CLSTN3: variants seen among roughly 807,000 people sequenced by gnomAD.
CLSTN3 encodes the protein calsyntenin 3.
In CLSTN3, 36 loss-of-function variants were observed where a neutral mutation model predicts 95.9. The ratio of observed to expected loss-of-function variants is 0.38; its 90% CI spans 0.29 to 0.50. The LOEUF (loss-of-function observed/expected upper bound fraction) is 0.50, where lower values mean the gene tolerates loss of function less well. CLSTN3 is among the 20% of genes least tolerant of loss of function. CLSTN3 has a pLI of 0.95. For synonymous variants in CLSTN3, 481 were observed against 504.0 expected (o/e 0.95, Z 0.61); for missense variants, 1,084 against 1,268.8 (o/e 0.85, Z 2.21).
intron 1 of CLSTN3, among the ~76,000 whole-genome samples, chr12:7,132,016 G>A (rs1332065650): frequency 6.6e-6 from 1 of 151,994 alleles, no homozygotes; most frequent in East Asian, 1.9e-4. Flanking sequence ...GATGGGATTA[G>A]AGCAAGCGTG....
intron 1 of CLSTN3, 32 bp from the exon 2 acceptor site, chr12:7,132,992 T>C (rs769142089): frequency 5.6e-6 from 9 of 1,611,966 alleles, no homozygotes; most frequent in African/African-American, 2.7e-5. Flanking sequence ...TGCTCACAGG[T>C]GCTTCCTCTC....
chr12:7,130,354 C>T (rs1402575424), upstream of CLSTN3: 3 of 1,354,740 alleles, frequency 2.2e-6, no homozygotes, highest in Non-Finnish European at 2.9e-6. Context: ...CAATCGTTGC[C>T]CGGCTGTGCT....
At position 7,157,620 on chromosome 12, in the gene CLSTN3, T is replaced by C. The variant is rs773747533; in HGVS notation, c.2659T>C (p.Ser887Pro). The C allele has an allele frequency of 6.2e-7, 1 of 1,611,092 alleles. No homozygotes were observed. Among genetic ancestry groups the C allele is most frequent in the Non-Finnish European group, 8.5e-7 (1 of 1,178,798 alleles). The change falls in exon 17 of 18, where the codon TCC (serine) becomes CCC (proline). Residue 887 changes from serine (S) to proline (P), a missense_variant. By Grantham distance (74) the Ser-to-Pro change is moderately conservative. Transcript: ENST00000266546. This position sits in a 1 kb window ranked among gnomAD's most constrained non-coding sequence, Gnocchi z 5.9. Reference sequence around the variant, plus strand: ...AGGGGCCGGCGGGCCTCCAGGGGCCTCCAGTGACCCCAAGGACCCAGACCT... The same window carrying C: ...AGGGGCCGGCGGGCCTCCAGGGGCCCCCAGTGACCCCAAGGACCCAGACCT... ...VSGAGGPPGA[S>P]SDPKDPDLFW...
chr12:7,133,214 A>G lies in CLSTN3; in HGVS notation c.187+68A>G. On this transcript the variant is annotated intron_variant, in intron 2 of 17. Transcript: ENST00000266546. The surrounding 1 kb of genome is among the most constrained non-coding windows in gnomAD (Gnocchi z 4.7). Reference sequence around the variant, plus strand: ...AAAGTGGGTGGGAGGGCCAAGAGCAAGGGAGGGAGGGAAGGTCCTGGGAGT... The same window carrying G: ...AAAGTGGGTGGGAGGGCCAAGAGCAGGGGAGGGAGGGAAGGTCCTGGGAGT... The G allele has an allele frequency of 2.8e-6, 2 of 715,846 alleles. No homozygotes were observed. The highest frequency in any genetic ancestry group is 4.8e-6 in the Non-Finnish European group (2 of 413,730). The allele number at this position is 715,846 out of a possible 1,614,324, so 44.3% of individuals were successfully genotyped here.
At chr12:7,134,653 T>A (rs1939369503) in intron 3 of CLSTN3, among the ~76,000 whole-genome samples, 1 of 152,234 alleles carries the variant, frequency 6.6e-6, no homozygotes, top group Admixed American at 6.5e-5. Context: ...ACTTGTGACC[T>A]TTGTACACAT....
intron 1 of CLSTN3, chr12:7,131,707 G>T (rs1301679978): frequency 8.9e-6 from 4 of 451,054 alleles, no homozygotes; most frequent in East Asian, 1.4e-4. Context: ...CCCTTCCACC[G>T]CTCTCTCTTC....
rs777174345 is a variant in CLSTN3, at chr12:7,137,915, A to T, written c.1211-40A>T. ...GCTGCTTTGAACTTGTTCTGGCCTC[A>T]GCCTCTGCACTTGACCCCATCCCCT... On this transcript the variant is annotated intron_variant, in intron 7 of 17. Coordinates refer to ENST00000266546, the MANE Select transcript of CLSTN3 (RefSeq NM_014718.4). This position sits in a 1 kb window ranked among gnomAD's most constrained non-coding sequence, Gnocchi z 4.4. The T allele has an allele frequency of 1.3e-6, 2 of 1,492,120 alleles. No individual in the cohort carries two copies. Among genetic ancestry groups the T allele is most frequent in the African/African-American group, 1.4e-5 (1 of 72,508 alleles). The allele number at this position is 1,492,120 out of a possible 1,614,324, so 92.4% of individuals were successfully genotyped here.
At chr12:7,140,513 T>C (rs1939507280) in intron 8 of CLSTN3, among the ~76,000 whole-genome samples, 1 of 152,140 alleles carries the variant, frequency 6.6e-6, no homozygotes, top group African/African-American at 2.4e-5. Flanking sequence ...CATTTGGAAC[T>C]GGATGAGGCA....
rs1461823646 is a variant in CLSTN3, at chr12:7,149,221, A to C, written c.2074+23A>C. 2 of 1,596,770 alleles carry C rather than the reference A, an allele frequency of 1.3e-6. No homozygotes were observed. The highest frequency in any genetic ancestry group is 3.4e-5 in the Admixed American group (2 of 59,324). On this transcript the variant is annotated intron_variant, in intron 13 of 17. Coordinates refer to ENST00000266546, the MANE Select transcript of CLSTN3 (RefSeq NM_014718.4). The surrounding 1 kb of genome is among the most constrained non-coding windows in gnomAD (Gnocchi z 4.5). ...CAGGTAAGGACGACTTCGGGGAGTA[A>C]CACCATCCAGAGAACCAGCCAGTGT...
intron 1 of CLSTN3, among the ~76,000 whole-genome samples, chr12:7,132,008 TG>T (rs1939313627): frequency 6.6e-6 from 1 of 151,348 alleles, no homozygotes; most frequent in Non-Finnish European, 1.5e-5. Context: ...GGCATGATGA[TG>T]GGATTAGAGC....
At position 7,133,395 on chromosome 12, in the gene CLSTN3, A is replaced by T. The variant is rs1272099764; in HGVS notation, c.188-178A>T. Among the ~76,000 whole-genome samples, 1 of 152,096 alleles carries T rather than the reference A, an allele frequency of 6.6e-6. No individual in the cohort carries two copies. The highest frequency in any genetic ancestry group is 1.5e-5 in the Non-Finnish European group (1 of 68,020). On this transcript the variant is annotated intron_variant, in intron 2 of 17. Transcript: ENST00000266546. This position sits in a 1 kb window ranked among gnomAD's most constrained non-coding sequence, Gnocchi z 4.7. ...AGATCTCAGGTCTGGAGGCTCTGGG[A>T]GGTTGCTGCTCAGGGAAGCTGGGCT...
chr12:7,133,000 C>G (rs1214964060), intron 1 of CLSTN3, 24 bp from the exon 2 acceptor site: 5 of 1,612,464 alleles, frequency 3.1e-6, no homozygotes, highest in Non-Finnish European at 3.4e-6. Context: ...GGTGCTTCCT[C>G]TCCTCTCCCT....
chr12:7,152,706 A>G (rs76803705), intron 16 of CLSTN3, among the ~76,000 whole-genome samples: 3,279 of 152,256 alleles, frequency 0.022, 114 homozygotes, highest in African/African-American at 0.075. Context: ...TGCTCGGGGG[A>G]TTACGCTTAT....
At chr12:7,142,705 T>C (rs1044171454) in intron 10 of CLSTN3, among the ~76,000 whole-genome samples, 164 bp from the exon 11 acceptor site, 1 of 146,970 alleles carries the variant, frequency 6.8e-6, no homozygotes, top group Non-Finnish European at 1.5e-5. Context: ...TCACCTCTCA[T>C]CTCTCTTTTT....
Position 7,130,403 on chromosome 12 carries a change from G to A in CLSTN3, c.-246G>A, listed in dbSNP as rs950601715. On this transcript the variant is annotated 5_prime_UTR_variant, in exon 1 of 18. Transcript: ENST00000266546. ...AGTAGCGGGGTTGGGGTGGGAGTGAGAGAGTGAGGACGCTGGGCTGGGGGA... is the reference window on the plus strand; with the variant it reads ...AGTAGCGGGGTTGGGGTGGGAGTGAAAGAGTGAGGACGCTGGGCTGGGGGA... The A allele has an allele frequency of 1.9e-5, 27 of 1,437,252 alleles. No individual in the cohort carries two copies. Among genetic ancestry groups the A allele is most frequent in the Non-Finnish European group, 2.5e-5 (27 of 1,097,436 alleles). 89.0% of individuals were successfully genotyped at this position (1,437,252 alleles called of 1,614,324 possible).
intron 1 of CLSTN3, chr12:7,131,896 A>C: frequency 2.2e-6 from 1 of 456,332 alleles, no homozygotes; most frequent in South Asian, 1.5e-5. Context: ...GAAAGAATGG[A>C]AATCAGGGTT....
intron 8 of CLSTN3, among the ~76,000 whole-genome samples, chr12:7,140,864 A>G (rs763510912): frequency 6.6e-6 from 1 of 152,298 alleles, no homozygotes; most frequent in Non-Finnish European, 1.5e-5. Flanking sequence ...CTATGATTGC[A>G]CCACTGCACT....
chr12:7,152,705 G>A (rs1211332527), intron 16 of CLSTN3, among the ~76,000 whole-genome samples: 1 of 152,158 alleles, frequency 6.6e-6, no homozygotes, highest in Non-Finnish European at 1.5e-5. Flanking sequence ...GTGCTCGGGG[G>A]ATTACGCTTA....
In CLSTN3 at chr12:7,150,612, G is replaced by T; in HGVS notation, c.2314G>T (p.Ala772Ser). Residue 772 changes from alanine (A) to serine (S), a missense_variant, in exon 15 of 18, where the codon GCC (alanine) becomes TCC (serine). Coordinates refer to ENST00000266546, the MANE Select transcript of CLSTN3 (RefSeq NM_014718.4). The surrounding 1 kb of genome is among the most constrained non-coding windows in gnomAD (Gnocchi z 4.0). ...TCGTTATCGGCTGCGACACGGAGCT[G>T]CCCTCTACACCAGGAAGTTCCGGCT... The part of the protein sequence containing the change: ...QARYRLRHGA[A>S]LYTRKFRLSC... The T allele has an allele frequency of 6.2e-7, 1 of 1,614,070 alleles. No individual in the cohort carries two copies. Among genetic ancestry groups the T allele is most frequent in the Non-Finnish European group, 8.5e-7 (1 of 1,179,998 alleles).
Sources: gnomAD v4.1 joint callset for allele counts (sites outside exome capture counted in the v4.1 genomes callset) on GRCh38, gnomAD v4.1.1 for gene constraint, Gnocchi (gnomAD v3.1) non-coding constraint, MANE v1.5 for transcripts, NCBI Gene and HGNC (gene_info 2026-07-23, HGNC 2026-07-21) for gene names.